The following NUBPL variants were observed in gnomAD, a reference collection of about 807,000 sequenced individuals.
The protein encoded by NUBPL is NUBP iron-sulfur cluster assembly factor, mitochondrial.
A neutral mutation model predicts 45.7 loss-of-function variants in NUBPL; 31 were observed. The observed-to-expected ratio is 0.68, with a 90% CI of 0.51 to 0.92. NUBPL has a LOEUF of 0.92. NUBPL is among the 40% of genes least tolerant of loss of function. NUBPL has a pLI of 0.00. For synonymous variants in NUBPL, 144 were observed against 140.9 expected, an observed-to-expected ratio of 1.02 and a Z score of -0.15; for missense variants, 401 against 398.7, an observed-to-expected ratio of 1.01 and a Z score of -0.05.
chr14:31,656,426 C>T (rs1189325951), intron 4 of NUBPL, among the ~76,000 whole-genome samples: 1 of 152,298 alleles, frequency 6.6e-6, no homozygotes, highest in East Asian at 1.9e-4. Flanking sequence ...GTTTTTGACA[C>T]AATTTCCTTA....
chr14:31,635,122 T>G (rs1217737870), intron 4 of NUBPL, among the ~76,000 whole-genome samples: 1 of 148,420 alleles, frequency 6.7e-6, no homozygotes, highest in Non-Finnish European at 1.5e-5. Flanking sequence ...TTTTGCCTTT[T>G]GTTGCCATTG....
At chr14:31,590,626 T>C (rs1003096133) in intron 3 of NUBPL, among the ~76,000 whole-genome samples, 12 of 152,232 alleles carry the variant, frequency 7.9e-5, no homozygotes, top group Admixed American at 5.9e-4. Context: ...TTGATGTTAG[T>C]TTTCCAGCAT....
At chr14:31,609,761 C>A (rs562368609) in intron 4 of NUBPL, among the ~76,000 whole-genome samples, 1 of 151,860 alleles carries the variant, frequency 6.6e-6, no homozygotes, top group Admixed American at 6.6e-5. Context: ...AAATCCATAA[C>A]AAGAATTTTG....
chr14:31,584,358 C>G (rs549990127), intron 3 of NUBPL, among the ~76,000 whole-genome samples: 14 of 152,218 alleles, frequency 9.2e-5, no homozygotes, highest in African/African-American at 2.9e-4. Flanking sequence ...CTCTTGGGCT[C>G]AAGTGATCCT....
chr14:31,696,673 C>G (rs1047019154), intron 6 of NUBPL, among the ~76,000 whole-genome samples: 8 of 152,110 alleles, frequency 5.3e-5, no homozygotes, highest in African/African-American at 1.9e-4. Context: ...ATTTTACTTT[C>G]CTGTCATTGA....
chr14:31,650,313 G>A (rs555512933), intron 4 of NUBPL, among the ~76,000 whole-genome samples: 12 of 138,768 alleles, frequency 8.6e-5, no homozygotes, highest in Admixed American at 3.7e-4. Flanking sequence ...TTTTTGAGAC[G>A]GAGTCTTGCT....
intron 6 of NUBPL, among the ~76,000 whole-genome samples, chr14:31,772,431 A>G (rs2039025369): frequency 6.6e-6 from 1 of 152,210 alleles, no homozygotes. Flanking sequence ...CACTTGGCCT[A>G]AAGCAGGACT....
intron 7 of NUBPL, among the ~76,000 whole-genome samples, chr14:31,795,277 T>C (rs2039461957): frequency 6.7e-6 from 1 of 148,370 alleles, no homozygotes; most frequent in African/African-American, 2.5e-5. Flanking sequence ...AGAAAGTCAT[T>C]GGTAGCTTGA....
chr14:31,824,490 C>G (rs948454303), intron 7 of NUBPL, among the ~76,000 whole-genome samples: 1 of 152,030 alleles, frequency 6.6e-6, no homozygotes, highest in Non-Finnish European at 1.5e-5. Context: ...TAAATACAAG[C>G]AAAACTTACA....
At chr14:31,687,026 C>G (rs2036968977) in intron 6 of NUBPL, among the ~76,000 whole-genome samples, 1 of 152,140 alleles carries the variant, frequency 6.6e-6, no homozygotes, top group Non-Finnish European at 1.5e-5. Flanking sequence ...GATGGGAGGA[C>G]TGGTTGAGCC....
At chr14:31,774,447 A>G (rs1049900797) in intron 6 of NUBPL, among the ~76,000 whole-genome samples, 3 of 152,170 alleles carry the variant, frequency 2.0e-5, no homozygotes, top group Non-Finnish European at 4.4e-5. Context: ...ACCTATTTGC[A>G]CTTGTGTTCC....
chr14:31,741,298 A>G (rs1355865086), intron 6 of NUBPL, among the ~76,000 whole-genome samples: 1 of 152,132 alleles, frequency 6.6e-6, no homozygotes, highest in African/African-American at 2.4e-5. Flanking sequence ...CAGTTTTTTA[A>G]TGAGCCTTTG....
chr14:31,833,443 T>G (rs1451733152), intron 8 of NUBPL, among the ~76,000 whole-genome samples: 6 of 152,160 alleles, frequency 3.9e-5, no homozygotes, highest in African/African-American at 1.4e-4. Context: ...AGTATATTCA[T>G]TGAGCCATCT....
At chr14:31,666,052 GT>G (rs887056991) in intron 4 of NUBPL, among the ~76,000 whole-genome samples, 5 of 147,912 alleles carry the variant, frequency 3.4e-5, no homozygotes, top group African/African-American at 7.4e-5. Context: ...TTGTACCCTG[GT>G]TTTTTTTTCT....
intron 6 of NUBPL, among the ~76,000 whole-genome samples, chr14:31,780,473 C>T (rs999364801): frequency 6.6e-6 from 1 of 152,078 alleles, no homozygotes; most frequent in African/African-American, 2.4e-5. Flanking sequence ...AGCAAATGCT[C>T]CCACCCTTGT....
In NUBPL at chr14:31,707,506, T is replaced by C. The variant is rs538748936; in HGVS notation, c.513+33932T>C. On this transcript the variant is annotated intron_variant, in intron 6 of 10. Coordinates refer to ENST00000281081, the MANE Select transcript of NUBPL (RefSeq NM_025152.3). Reference sequence around the variant, plus strand: ...TTCTTTCTTTGACTTTTTGTCTCTCTGGTTCTCTCCTTGATTAGAGTATAG... The same window carrying C: ...TTCTTTCTTTGACTTTTTGTCTCTCCGGTTCTCTCCTTGATTAGAGTATAG... Among the ~76,000 whole-genome samples, 3 of 152,362 alleles carry C rather than the reference T, an allele frequency of 2.0e-5. No individual in the cohort carries two copies. The East Asian group carries it at 5.8e-4, about 29-fold the overall frequency.
chr14:31,753,182 C>A (rs1268817904), intron 6 of NUBPL, among the ~76,000 whole-genome samples: 1 of 152,150 alleles, frequency 6.6e-6, no homozygotes, highest in African/African-American at 2.4e-5. Context: ...GTGAAGCCAA[C>A]TGAGTGGGCC....
chr14:31,674,794 A>T (rs990149807), intron 6 of NUBPL, among the ~76,000 whole-genome samples: 10 of 152,312 alleles, frequency 6.6e-5, no homozygotes, highest in African/African-American at 2.4e-4. Flanking sequence ...AGAGGTCCAA[A>T]TGAAGATTTG....
intron 3 of NUBPL, among the ~76,000 whole-genome samples, chr14:31,591,751 T>G (rs933247657): frequency 6.6e-6 from 1 of 152,126 alleles, no homozygotes; most frequent in African/African-American, 2.4e-5. Flanking sequence ...AAGAGAGACT[T>G]TCTTGAAATC....
Sources: allele counts gnomAD v4.1 joint callset (sites outside exome capture counted in the v4.1 genomes callset), GRCh38; gene constraint gnomAD v4.1.1; transcripts MANE v1.5; gene names NCBI Gene and HGNC (gene_info 2026-07-23, HGNC 2026-07-21).